The following DNM1L variants were observed in gnomAD, a reference collection of about 807,000 sequenced individuals.
DNM1L encodes the protein dynamin-1-like protein.
Under a neutral mutation model 92.8 loss-of-function variants are expected in DNM1L, and 33 were observed. The ratio of observed to expected loss-of-function variants is 0.36; its 90% CI spans 0.27 to 0.48. The LOEUF (loss-of-function observed/expected upper bound fraction) is 0.48, where lower values mean the gene tolerates loss of function less well. Among genes scored for constraint, DNM1L ranks in the 20% least tolerant of loss-of-function variants. DNM1L has a pLI of 0.99. For missense variants in DNM1L, 485 were observed against 888.8 expected, an observed-to-expected ratio of 0.55 and a Z score of 5.78; for synonymous variants, 284 against 305.0, an observed-to-expected ratio of 0.93 and a Z score of 0.72.
chr12:32,692,968 TC>T (rs34545925), intron 1 of DNM1L: 3 of 152,212 alleles, frequency 2.0e-5, no homozygotes, highest in African/African-American at 7.2e-5. Context: ...ATTTGTGTGT[TC>T]CCCAGTGTTT....
At chr12:32,741,156 A>G (rs941684440) in intron 18 of DNM1L, among the ~76,000 whole-genome samples, 3 of 152,244 alleles carry the variant, frequency 2.0e-5, no homozygotes, top group Non-Finnish European at 4.4e-5. Context: ...TTTTGTCTGT[A>G]GAACCATTTA....
intron 18 of DNM1L, 106 bp downstream of exon 18, chr12:32,740,624 A>C (rs1363505251): frequency 1.9e-6 from 2 of 1,049,636 alleles, no homozygotes; most frequent in Non-Finnish European, 2.8e-6. Context: ...TTTATTCTAA[A>C]TCATCAAGTG....
intron 9 of DNM1L, among the ~76,000 whole-genome samples, chr12:32,730,179 C>T (rs951080349): frequency 7.9e-5 from 12 of 151,498 alleles, no homozygotes; most frequent in East Asian, 2.0e-4. Context: ...TCCTGGCCAA[C>T]GTGGTGAAAC....
Position 32,743,370 on chromosome 12 carries a change from G to C in DNM1L, c.2171G>C (p.Ser724Thr). Residue 724 changes from serine (S) to threonine (T), a missense_variant, in exon 20 of 20, where the codon AGT becomes ACT. Ser to Thr is a moderately conservative substitution (Grantham distance 58, BLOSUM62 1). Transcript: ENST00000549701. ...ADMLKALQGASQIIAEIRETH... is the reference protein window; with the variant it reads ...ADMLKALQGATQIIAEIRETH... ...TTAATGCAGGCATTACAAGGAGCCA[G>C]TCAAATTATTGCTGAAATCCGGGAG... The C allele has an allele frequency of 6.2e-7, 1 of 1,613,920 alleles. No individual in the cohort carries two copies. Among genetic ancestry groups the C allele is most frequent in the Non-Finnish European group, 8.5e-7 (1 of 1,179,988 alleles).
At position 32,744,988 on chromosome 12, in the gene DNM1L, T is replaced by C. The variant is rs375030741; in HGVS notation, c.*1578T>C. On this transcript the variant is annotated 3_prime_UTR_variant, in exon 20 of 20. Coordinates refer to ENST00000549701, the MANE Select transcript of DNM1L (RefSeq NM_012062.5). ...ATGACCAGGTATTTATGAAGGACTATTGGCAGGGAAAATATGAATATGTTA... is the reference window on the plus strand; with the variant it reads ...ATGACCAGGTATTTATGAAGGACTACTGGCAGGGAAAATATGAATATGTTA... The C allele has an allele frequency of 3.7e-5, 19 of 518,516 alleles. No homozygotes were observed. Among genetic ancestry groups the C allele is most frequent in the Admixed American group, 1.7e-4 (9 of 51,494 alleles). The allele number at this position is 518,516 out of a possible 1,614,324, so 32.1% of individuals were successfully genotyped here.
In DNM1L at chr12:32,701,505, C is replaced by T; in HGVS notation, c.193C>T (p.Leu65=). Residue 65 remains leucine (L), a synonymous_variant, in exon 2 of 20, where the codon CTG becomes TTG. Transcript: ENST00000549701. The part of the protein sequence containing the change: ...TGIVTRRPLI[L]QLVHVSQEDK... ...AATTGTCACCCGGAGACCTCTCATT[C>T]TGCAACTGGTCCATGTTTCACAAGA... 3 of 1,613,946 alleles carry T rather than the reference C, an allele frequency of 1.9e-6. No individual in the cohort carries two copies. The highest frequency in any genetic ancestry group is 2.5e-6 in the Non-Finnish European group (3 of 1,179,892).
intron 1 of DNM1L, among the ~76,000 whole-genome samples, chr12:32,701,065 G>A (rs138104138): frequency 7.9e-5 from 12 of 151,986 alleles, no homozygotes; most frequent in African/African-American, 1.9e-4. Context: ...ACCTGAGGTC[G>A]GGAGTTCGAG....
intron 1 of DNM1L, among the ~76,000 whole-genome samples, chr12:32,682,384 G>A (rs925674413): frequency 4.6e-5 from 7 of 152,008 alleles, no homozygotes; most frequent in Admixed American, 2.0e-4. Flanking sequence ...CACCCGTCTC[G>A]GCCTCCCAAA....
intron 6 of DNM1L, among the ~76,000 whole-genome samples, chr12:32,716,485 C>T (rs773659993): frequency 6.6e-6 from 1 of 151,942 alleles, no homozygotes; most frequent in African/African-American, 2.4e-5. Flanking sequence ...CACCCTGCTA[C>T]GTTTTCTATT....
chr12:32,734,444 G>A (rs1237068451), intron 13 of DNM1L, among the ~76,000 whole-genome samples: 1 of 152,128 alleles, frequency 6.6e-6, no homozygotes, highest in Non-Finnish European at 1.5e-5. Context: ...TATCCATGGT[G>A]AGAAAATTGT....
rs1390109365 is a variant in DNM1L, at chr12:32,717,429, A to G, written c.620-1214A>G. 8.3e-5 allele frequency among the ~76,000 whole-genome samples: 5 copies of G among 60,168 alleles called. No homozygotes were observed. The Admixed American group carries it at 9.9e-4, about 12-fold the overall frequency. The allele number at this position is 60,168 out of a possible 152,430, so 39.5% of individuals were successfully genotyped here. On this transcript the variant is annotated intron_variant, in intron 6 of 19. Coordinates refer to ENST00000549701, the MANE Select transcript of DNM1L (RefSeq NM_012062.5). ...ATAATATATATTTTAAATATATACT[A>G]TATATATTTTAAATATATACTATAT...
chr12:32,692,480 A>G (rs1952271899), intron 1 of DNM1L: 1 of 152,406 alleles, frequency 6.6e-6, no homozygotes, highest in Non-Finnish European at 1.5e-5. Context: ...TAATTCTGAA[A>G]TGACAAAAGC....
intron 9 of DNM1L, among the ~76,000 whole-genome samples, chr12:32,724,446 C>T (rs1220210717): frequency 8.0e-5 from 12 of 150,876 alleles, no homozygotes; most frequent in Non-Finnish European, 1.5e-4. Flanking sequence ...CGTGGTGGCA[C>T]GTGCCTGTAA....
intron 19 of DNM1L, 54 bp from the exon 20 acceptor site, chr12:32,743,300 A>G: frequency 6.6e-7 from 1 of 1,516,510 alleles, no homozygotes; most frequent in South Asian, 1.1e-5. Context: ...CGTAATTCAG[A>G]TTAATTTCAT....
intron 1 of DNM1L, among the ~76,000 whole-genome samples, chr12:32,686,607 G>A (rs114417424): frequency 0.01 from 1,530 of 152,190 alleles, 32 homozygotes; most frequent in African/African-American, 0.034. Context: ...TGTGAATATT[G>A]GTGTACAAGT....
intron 4 of DNM1L, 33 bp downstream of exon 4, chr12:32,708,257 C>A (rs368122029): frequency 7.6e-7 from 1 of 1,315,848 alleles, no homozygotes; most frequent in Non-Finnish European, 1.1e-6. Context: ...AAGGCATAAG[C>A]ATCAGTAAAT....
intron 13 of DNM1L, among the ~76,000 whole-genome samples, chr12:32,734,804 C>G (rs1313583465): frequency 2.0e-5 from 3 of 151,908 alleles, no homozygotes. Context: ...GGCGAAACTC[C>G]ATCTTAAAAA....
At position 32,701,753 on chromosome 12, in the gene DNM1L, G is replaced by T. The variant is rs143274691; in HGVS notation, c.250+191G>T. On this transcript the variant is annotated intron_variant, in intron 2 of 19. Coordinates refer to ENST00000549701, the MANE Select transcript of DNM1L (RefSeq NM_012062.5). ...TGTTTTGTTTTGTTTTTGAGACGGA[G>T]GTCTTACTCTGTCGCCCAGGCTGGA... is the stretch of plus-strand genomic sequence containing the variant. Among the ~76,000 whole-genome samples, 1,546 of 151,642 alleles carry T rather than the reference G, an allele frequency of 0.01. 34 individuals carry two copies. The highest frequency in any genetic ancestry group is 0.034 in the African/African-American group (1,427 of 41,404).
intron 16 of DNM1L, 26 bp downstream of exon 16, chr12:32,738,322 A>G (rs1955044460): frequency 6.2e-7 from 1 of 1,613,280 alleles, no homozygotes; most frequent in Non-Finnish European, 8.5e-7. Flanking sequence ...CAGAATGGAA[A>G]TGTTGGTACC....
Sources: allele counts gnomAD v4.1 joint callset (sites outside exome capture counted in the v4.1 genomes callset), GRCh38; gene constraint gnomAD v4.1.1; transcripts MANE v1.5; gene names NCBI Gene and HGNC (gene_info 2026-07-23, HGNC 2026-07-21).